Variants in OR7C1 observed in about 807,000 individuals in gnomAD.
OR7C1 encodes olfactory receptor family 7 subfamily C member 1, also known as olfactory receptor 7C1.
For synonymous variants in OR7C1, 152 were observed against 160.7 expected, an observed-to-expected ratio of 0.95 and a Z score of 0.41; for missense variants, 324 against 383.3, an observed-to-expected ratio of 0.85 and a Z score of 1.29.
At chr19:14,813,694 G>A (rs1187250231) in intron 1 of OR7C1, among the ~76,000 whole-genome samples, 2 of 150,744 alleles carry the variant, frequency 1.3e-5, no homozygotes, top group Non-Finnish European at 2.9e-5. Flanking sequence ...AAGGCAGCAG[G>A]AAAGAGAGGC....
chr19:14,830,294 G>C (rs1469815685), intron 1 of OR7C1, among the ~76,000 whole-genome samples: 2 of 152,128 alleles, frequency 1.3e-5, no homozygotes, highest in African/African-American at 2.4e-5. Flanking sequence ...TTTCAGCCCT[G>C]TGTTTAAAGA....
At chr19:14,831,550 T>C (rs1280383422) in intron 1 of OR7C1, among the ~76,000 whole-genome samples, 1 of 152,068 alleles carries the variant, frequency 6.6e-6, no homozygotes, top group East Asian at 1.9e-4. Flanking sequence ...GTTCACGCCA[T>C]TCTCCTGCCT....
At chr19:14,799,469 A>G in exon 5 of OR7C1, 1 of 1,614,236 alleles carries the variant, frequency 6.2e-7, no homozygotes, top group Non-Finnish European at 8.5e-7. Context: ...CAGTATAGAG[A>G]AAACAATTTT....
chr19:14,802,553 A>G (rs67331445), intron 2 of OR7C1, among the ~76,000 whole-genome samples: 16,086 of 152,258 alleles, frequency 0.11, 1,090 homozygotes, highest in Non-Finnish European at 0.15. Context: ...AATAATTCCA[A>G]TGGACTGCTG....
intron 1 of OR7C1, chr19:14,827,797 A>C: frequency 6.2e-7 from 1 of 1,614,232 alleles, no homozygotes; most frequent in South Asian, 1.1e-5. Flanking sequence ...CTCATGGTCC[A>C]GGATGCTAGA....
At position 14,825,776 on chromosome 19, in the gene OR7C1, C is replaced by T. The variant is rs2044763040; in HGVS notation, c.-623+9298G>A. On this transcript the variant is annotated intron_variant, in intron 1 of 4. Transcript: ENST00000641666. ...GTTGACTCACAGCTGACTACAGCTTCATGAGGAGGACAGCAGAGACCAGAA... is the reference window on the plus strand; with the variant it reads ...GTTGACTCACAGCTGACTACAGCTTTATGAGGAGGACAGCAGAGACCAGAA... 3 of 152,512 alleles carry T rather than the reference C, an allele frequency of 2.0e-5. No individual in the cohort carries two copies. In the South Asian group the frequency reaches 6.2e-4, roughly 32 times the overall value. 9.4% of individuals were successfully genotyped at this position (152,512 alleles called of 1,614,324 possible).
rs183911518 is a variant in OR7C1, at chr19:14,829,895, G to A, written c.-623+5179C>T. Among the ~76,000 whole-genome samples, 52 of 152,234 alleles carry A rather than the reference G, an allele frequency of 3.4e-4. No homozygotes were observed. The East Asian group carries it at 8.3e-3, about 24-fold the overall frequency. ...CATATACACATGCAGCACACTGGCC[G>A]AAGAGGGCCCAGGCAGGAGTGCAGT... On this transcript the variant is annotated intron_variant, in intron 1 of 4. Coordinates refer to ENST00000641666, the Ensembl canonical transcript of OR7C1.
chr19:14,820,370 G>A (rs966390835), intron 1 of OR7C1, among the ~76,000 whole-genome samples: 1 of 150,716 alleles, frequency 6.6e-6, no homozygotes, highest in Non-Finnish European at 1.5e-5. Context: ...GACATGGGGA[G>A]GGGAACATCA....
chr19:14,822,322 A>G (rs970575807), intron 1 of OR7C1, among the ~76,000 whole-genome samples: 1 of 150,838 alleles, frequency 6.6e-6, no homozygotes, highest in Non-Finnish European at 1.5e-5. Context: ...TCCACCAAAA[A>G]GGTACATGGG....
chr19:14,830,736 A>G (rs1165266537), intron 1 of OR7C1, among the ~76,000 whole-genome samples: 1 of 152,232 alleles, frequency 6.6e-6, no homozygotes, highest in African/African-American at 2.4e-5. Context: ...TGGAGTCCTA[A>G]TTAGGGAAAT....
exon 5 of OR7C1, chr19:14,798,870 C>T (rs2044623992): frequency 4.2e-6 from 1 of 239,350 alleles, no homozygotes; most frequent in African/African-American, 2.3e-5. Context: ...TAGCCCTTTT[C>T]TATTGGCGCA....
chr19:14,814,246 TG>T (rs910090915), intron 1 of OR7C1, among the ~76,000 whole-genome samples: 1 of 152,144 alleles, frequency 6.6e-6, no homozygotes, highest in African/African-American at 2.4e-5. Flanking sequence ...AGACAACCTA[TG>T]GGTTGGCAGG....
exon 5 of OR7C1, chr19:14,799,092 C>A: frequency 6.7e-7 from 1 of 1,482,550 alleles, no homozygotes; most frequent in South Asian, 1.4e-5. Flanking sequence ...ATGGTAATTC[C>A]AGAACTAAAA....
At chr19:14,831,220 T>A (rs1418329532) in intron 1 of OR7C1, among the ~76,000 whole-genome samples, 1 of 152,124 alleles carries the variant, frequency 6.6e-6, no homozygotes, top group African/African-American at 2.4e-5. Context: ...CATATCCTAA[T>A]AGAAAAATGG....
exon 5 of OR7C1, chr19:14,800,098 G>A: frequency 6.3e-7 from 1 of 1,596,700 alleles, no homozygotes; most frequent in Non-Finnish European, 8.6e-7. Context: ...ATCCCAGGAG[G>A]AGAAATTCTT....
chr19:14,824,592 G>A (rs1242258805), intron 1 of OR7C1: 1 of 152,124 alleles, frequency 6.6e-6, no homozygotes, highest in African/African-American at 2.4e-5. Context: ...TCCCTGGTGT[G>A]TACATACTAC....
At chr19:14,804,237 C>A (rs1270548185) in intron 2 of OR7C1, among the ~76,000 whole-genome samples, 3 of 152,090 alleles carry the variant, frequency 2.0e-5, no homozygotes, top group Non-Finnish European at 4.4e-5. Flanking sequence ...AGCCAAACTG[C>A]AAAGGTTGGG....
intron 2 of OR7C1, among the ~76,000 whole-genome samples, chr19:14,806,488 G>C (rs2044667079): frequency 1.3e-5 from 2 of 151,912 alleles, no homozygotes; most frequent in Admixed American, 6.6e-5. Context: ...CATCACCTAG[G>C]TATTCAGCCC....
chr19:14,799,729 C>T, exon 5 of OR7C1: 4 of 1,613,878 alleles, frequency 2.5e-6, no homozygotes, highest in Non-Finnish European at 3.4e-6. Context: ...GCTGGGGGTT[C>T]ATGATGACCG....
Sources: gnomAD v4.1 joint callset for allele counts (sites outside exome capture counted in the v4.1 genomes callset) on GRCh38, gnomAD v4.1.1 for gene constraint, MANE v1.5 for transcripts, NCBI Gene and HGNC (gene_info 2026-07-23, HGNC 2026-07-21) for gene names.